Variants in FBXL13 observed in about 807,000 individuals in gnomAD.
FBXL13 encodes F-box and leucine-rich repeat protein 13.
FBXL13 carries 67 observed loss-of-function variants against 83.6 expected under a neutral mutation model. The ratio of observed to expected loss-of-function variants is 0.80; its 90% CI spans 0.66 to 0.98. FBXL13 has a LOEUF of 0.98. FBXL13 is among the 50% of genes least tolerant of loss of function. The pLI is 0.00. For missense variants in FBXL13, 822 were observed against 866.5 expected (o/e 0.95, Z 0.64); for synonymous variants, 272 against 299.5 (o/e 0.91, Z 0.95).
At chr7:102,910,581 C>T (rs190102329) in intron 11 of FBXL13, among the ~76,000 whole-genome samples, 19 of 152,042 alleles carry the variant, frequency 1.2e-4, no homozygotes, top group Non-Finnish European at 2.2e-4. Context: ...TTAGACACCA[C>T]GTGAATCCCC....
chr7:103,019,488 G>T (rs1370396925), intron 6 of FBXL13, among the ~76,000 whole-genome samples: 2 of 152,178 alleles, frequency 1.3e-5, no homozygotes, highest in African/African-American at 4.8e-5. Flanking sequence ...CAGAACTGAA[G>T]GAGATAGAGA....
At chr7:102,860,910 AACAT>A (rs1471223187) in intron 16 of FBXL13, among the ~76,000 whole-genome samples, 1 of 152,056 alleles carries the variant, frequency 6.6e-6, no homozygotes. Flanking sequence ...TGTGTATATG[AACAT>A]ACATATTTTA....
In FBXL13 at chr7:102,834,106, G is replaced by GA. The variant is rs1171564760; in HGVS notation, c.1720-1133dup. On this transcript the variant is annotated intron_variant, in intron 17 of 19. Coordinates refer to ENST00000313221, the Ensembl canonical transcript of FBXL13. ...GAAAGAAAAGAAAGAAAGAAAGAAA[G>GA]AAAGAAAGAAAGAAAGAAAGAAAGA... Among the ~76,000 whole-genome samples, 276 of 106,532 alleles carry GA rather than the reference G, an allele frequency of 2.6e-3. 7 individuals carry two copies. The highest frequency in any genetic ancestry group is 0.022 in the East Asian group (66 of 3,036). 69.9% of individuals were successfully genotyped at this position (106,532 alleles called of 152,430 possible).
chr7:102,875,056 G>C (rs555257478), intron 16 of FBXL13, among the ~76,000 whole-genome samples: 1 of 152,282 alleles, frequency 6.6e-6, no homozygotes, highest in Admixed American at 6.5e-5. Flanking sequence ...ATTATATTTT[G>C]ATGTGTTTTA....
chr7:102,883,573 A>G lies in FBXL13; in HGVS notation c.1220T>C (p.Phe407Ser), dbSNP rs749848166. 7 of 1,606,212 alleles carry G rather than the reference A, an allele frequency of 4.4e-6. No individual in the cohort carries two copies. The South Asian group carries it at 7.7e-5, about 18-fold the overall frequency. Residue 407 changes from phenylalanine to serine, a missense_variant, in exon 13 of 20, where the codon TTT becomes TCT. Coordinates refer to ENST00000313221, the Ensembl canonical transcript of FBXL13. Reference sequence around the variant, plus strand: ...ACATTTTTAATATAACAGACCTTCAAATCGGATCTTTCTGAGTTTACAAGC... The same window carrying G: ...ACATTTTTAATATAACAGACCTTCAGATCGGATCTTTCTGAGTTTACAAGC...
chr7:103,019,402 C>T (rs1792831388), intron 6 of FBXL13, among the ~76,000 whole-genome samples: 1 of 152,068 alleles, frequency 6.6e-6, no homozygotes, highest in Admixed American at 6.6e-5. Context: ...CCTAACATCA[C>T]AATTAAAAGA....
intron 17 of FBXL13, among the ~76,000 whole-genome samples, chr7:102,836,447 A>AT (rs1358513728): frequency 6.6e-6 from 1 of 152,222 alleles, no homozygotes; most frequent in Non-Finnish European, 1.5e-5. Context: ...CCCCCTACAG[A>AT]TAAGATTACA....
rs779803876 is a variant in FBXL13, at chr7:102,977,119, C to T, written c.496-9002G>A. Among the ~76,000 whole-genome samples, 10 of 152,216 alleles carry T rather than the reference C, an allele frequency of 6.6e-5. No homozygotes were observed. The East Asian group carries it at 1.2e-3, about 18-fold the overall frequency. On this transcript the variant is annotated intron_variant, in intron 6 of 19. Coordinates refer to ENST00000313221, the Ensembl canonical transcript of FBXL13. ...GAGGAAGCCAAAGACGGCAAGAGGA[C>T]GAGTGGCCCCTGCAATGGATCATCG...
chr7:102,910,753 A>G (rs903903481), intron 11 of FBXL13, among the ~76,000 whole-genome samples: 2 of 152,198 alleles, frequency 1.3e-5, no homozygotes, highest in Admixed American at 6.5e-5. Context: ...AGAGAAAAGC[A>G]TTAACAAATT....
At chr7:103,069,438 T>C (rs1477656604) in intron 1 of FBXL13, among the ~76,000 whole-genome samples, 1 of 152,188 alleles carries the variant, frequency 6.6e-6, no homozygotes, top group Non-Finnish European at 1.5e-5. Flanking sequence ...TATATACATA[T>C]ATAAAAGTTG....
chr7:102,866,645 G>A (rs534090796), intron 16 of FBXL13, among the ~76,000 whole-genome samples: 20 of 152,256 alleles, frequency 1.3e-4, no homozygotes, highest in Non-Finnish European at 2.8e-4. Context: ...TTATTTTTGT[G>A]TGTGTTCCAT....
chr7:102,838,883 G>A (rs188128989), intron 17 of FBXL13, among the ~76,000 whole-genome samples: 48 of 152,210 alleles, frequency 3.2e-4, no homozygotes, highest in Non-Finnish European at 6.9e-4. Flanking sequence ...ATATGGCCTC[G>A]TGGGATGGCA....
intron 6 of FBXL13, among the ~76,000 whole-genome samples, chr7:102,987,736 T>C (rs1224516655): frequency 6.6e-6 from 1 of 152,006 alleles, no homozygotes; most frequent in Non-Finnish European, 1.5e-5. Context: ...AAAGGAGAAG[T>C]CCAGGATGAT....
chr7:102,812,879 G>A (rs1344136967), downstream of FBXL13, among the ~76,000 whole-genome samples: 1 of 128,052 alleles, frequency 7.8e-6, no homozygotes, highest in Non-Finnish European at 1.6e-5. Flanking sequence ...GTCTTGCTCT[G>A]TCGCCGAGGC....
chr7:102,918,163 A>G (rs1816282161), intron 10 of FBXL13, among the ~76,000 whole-genome samples: 2 of 152,230 alleles, frequency 1.3e-5, no homozygotes, highest in South Asian at 4.1e-4. Flanking sequence ...ACCCAAGCAT[A>G]TTTGAAACAA....
intron 6 of FBXL13, among the ~76,000 whole-genome samples, chr7:103,009,724 C>A (rs1246687063): frequency 6.6e-6 from 1 of 152,192 alleles, no homozygotes; most frequent in East Asian, 1.9e-4. Flanking sequence ...CAGGGCTAGG[C>A]ACCAGTTTCC....
intron 2 of FBXL13, among the ~76,000 whole-genome samples, chr7:103,043,465 C>T (rs887022525): frequency 1.3e-5 from 2 of 152,130 alleles, no homozygotes; most frequent in African/African-American, 4.8e-5. Context: ...CCCAGCAATC[C>T]CATTACTGGG....
At chr7:102,971,759 C>T (rs10239162) in intron 6 of FBXL13, among the ~76,000 whole-genome samples, 3,741 of 152,176 alleles carry the variant, frequency 0.025, 166 homozygotes, top group East Asian at 0.16. Flanking sequence ...GGCACAGTGG[C>T]TCATGCCCGT....
chr7:102,833,180 T>G (rs543944420), intron 17 of FBXL13, among the ~76,000 whole-genome samples: 15 of 152,310 alleles, frequency 9.8e-5, no homozygotes, highest in African/African-American at 3.6e-4. Context: ...AACAGCTTAG[T>G]GATATTCAAA....
Sources: allele counts gnomAD v4.1 joint callset (sites outside exome capture counted in the v4.1 genomes callset), GRCh38; gene constraint gnomAD v4.1.1; transcripts MANE v1.5; gene names NCBI Gene and HGNC (gene_info 2026-07-23, HGNC 2026-07-21).